The following ADHFE1 variants were observed in gnomAD, a reference collection of about 807,000 sequenced individuals.
ADHFE1 encodes alcohol dehydrogenase iron containing 1.
ADHFE1 carries 37 observed loss-of-function variants against 54.8 expected under a neutral mutation model. The ratio of observed to expected loss-of-function variants is 0.68; its 90% CI spans 0.52 to 0.89. The LOEUF (loss-of-function observed/expected upper bound fraction) is 0.89. ADHFE1 is among the 40% of genes least tolerant of loss of function. The pLI is 0.00. For missense variants in ADHFE1, 601 were observed against 591.2 expected (o/e 1.02, Z -0.17); for synonymous variants, 203 against 229.3 (o/e 0.89, Z 1.04).
chr8:66,462,605 T>G (rs972332122), intron 13 of ADHFE1, among the ~76,000 whole-genome samples: 1 of 152,226 alleles, frequency 6.6e-6, no homozygotes, highest in Non-Finnish European at 1.5e-5. Flanking sequence ...CCAGTGACAC[T>G]GTCCACCCTG....
chr8:66,457,142 C>A lies in ADHFE1; in HGVS notation c.1138C>A (p.His380Asn). The part of the protein sequence containing the change: ...TFTAQMFPER[H>N]LEMAEILGAD... ...CACGGCCCAGATGTTTCCAGAGCGA[C>A]ACCTGGAGATGGCAGAAATACTGGG... Residue 380 changes from histidine to asparagine, a missense_variant, in exon 12 of 14, where the codon CAC becomes AAC. His to Asn is a moderately conservative substitution (Grantham distance 68, BLOSUM62 1). Transcript: ENST00000396623. 2 of 1,613,484 alleles carry A rather than the reference C, an allele frequency of 1.2e-6. No individual in the cohort carries two copies. Among genetic ancestry groups the A allele is most frequent in the Non-Finnish European group, 1.7e-6 (2 of 1,179,648 alleles).
Position 66,444,370 on chromosome 8 carries a change from G to C in ADHFE1, c.148G>C (p.Ala50Pro), listed in dbSNP as rs145104347. Reference protein sequence around the residue: ...GKTTDYAFEMAVSNIRYGAAV... With the variant: ...GKTTDYAFEMPVSNIRYGAAV... ...TAAACCTTTTTATTTTTTTCAGATG[G>C]CTGTTTCAAATATTAGATATGGAGC... Residue 50 changes from alanine (A) to proline (P), a missense_variant, in exon 4 of 14, where the codon GCT becomes CCT. Ala to Pro is a conservative substitution (Grantham distance 27). Transcript: ENST00000396623. The C allele has an allele frequency of 6.2e-7, 1 of 1,613,910 alleles. No homozygotes were observed. The highest frequency in any genetic ancestry group is 8.5e-7 in the Non-Finnish European group (1 of 1,179,918).
intron 13 of ADHFE1, among the ~76,000 whole-genome samples, chr8:66,465,706 T>G (rs1442564507): frequency 3.3e-5 from 5 of 152,010 alleles, no homozygotes. Flanking sequence ...TTCAAGCAGT[T>G]CTCCTGCCTT....
intron 1 of ADHFE1, among the ~76,000 whole-genome samples, chr8:66,437,612 A>C (rs1383665037): frequency 1.3e-5 from 2 of 149,428 alleles, no homozygotes; most frequent in African/African-American, 4.9e-5. Flanking sequence ...GGGGAATGAA[A>C]ATGTCTACAT....
At chr8:66,443,264 A>ATTTTTTGTTTT (rs1805852522) in intron 3 of ADHFE1, among the ~76,000 whole-genome samples, 1 of 86,094 alleles carries the variant, frequency 1.2e-5, no homozygotes, top group Non-Finnish European at 2.4e-5. Context: ...TAGTCCAGGA[A>ATTTTTTGTTTT]TTTTTTTTTT....
In ADHFE1 at chr8:66,468,346, G is replaced by C. The variant is rs774517808; in HGVS notation, c.1398G>C (p.Leu466=). ...CTCTGTTTGAAGCTTCAATGAAACT[G>C]TATTAATTGTCATTTTAACTGAAAG... The part of the protein sequence containing the change: ...LAALFEASMK[L]Y Residue 466 remains leucine, a synonymous_variant, in exon 14 of 14, where the codon CTG becomes CTC. Transcript: ENST00000396623. 1.9e-6 allele frequency: 3 copies of C among 1,611,890 alleles called. No homozygotes were observed. The highest frequency in any genetic ancestry group is 2.5e-6 in the Non-Finnish European group (3 of 1,178,902).
Position 66,432,625 on chromosome 8 carries a change from G to T in ADHFE1, c.59+50G>T, listed in dbSNP as rs538840494. ...CAGGGGACCGCAGGGTGCCCACGCA[G>T]CCCCCTGGGTGTGACCCGCTCAGAT... On this transcript the variant is annotated intron_variant, in intron 1 of 13. Coordinates refer to ENST00000396623, the MANE Select transcript of ADHFE1 (RefSeq NM_144650.3). 112 of 1,281,182 alleles carry T rather than the reference G, an allele frequency of 8.7e-5. No individual in the cohort carries two copies. In the African/African-American group the frequency reaches 1.5e-3, roughly 17 times the overall value. The allele number at this position is 1,281,182 out of a possible 1,614,324, so 79.4% of individuals were successfully genotyped here. A position where few individuals can be genotyped will look rare whatever the true frequency, so the allele number is the denominator to read the frequency against.
At position 66,440,185 on chromosome 8, in the gene ADHFE1, A is replaced by G. The variant is rs1214445188; in HGVS notation, c.83A>G (p.His28Arg). ...AGGTGCCAGTGCCCAACTCATTCTC[A>G]TACTTACTCCCAAGGTAATACTTCT... ...RAACQCPTHSHTYSQAPGLSP... is the reference protein window; with the variant it reads ...RAACQCPTHSRTYSQAPGLSP... The change falls in exon 2 of 14, where the codon CAT (histidine) becomes CGT (arginine). Residue 28 changes from histidine (H) to arginine (R), a missense_variant. Transcript: ENST00000396623. 1 of 1,612,416 alleles carries G rather than the reference A, an allele frequency of 6.2e-7. No individual in the cohort carries two copies. Among genetic ancestry groups the G allele is most frequent in the Non-Finnish European group, 8.5e-7 (1 of 1,179,582 alleles).
chr8:66,445,285 T>G lies in ADHFE1; in HGVS notation c.421T>G (p.Ser141Ala), dbSNP rs771348589. The G allele has an allele frequency of 2.3e-5, 37 of 1,613,650 alleles. No individual in the cohort carries two copies. Among genetic ancestry groups the G allele is most frequent in the Non-Finnish European group, 3.1e-5 (36 of 1,179,956 alleles). The change falls in exon 6 of 14, where the codon TCT becomes GCT. Residue 141 changes from serine to alanine, a missense_variant. By Grantham distance (99) the Ser-to-Ala change is moderately conservative. Coordinates refer to ENST00000396623, the MANE Select transcript of ADHFE1 (RefSeq NM_144650.3). ...FDAYVAVGGGSTMDTCKAANL... is the reference protein window; with the variant it reads ...FDAYVAVGGGATMDTCKAANL... ...TGCCTATGTTGCTGTCGGTGGTGGC[T>G]CTACCATGGACACCTGTAAGGCTGC... is the stretch of plus-strand genomic sequence containing the variant.
At chr8:66,467,146 C>G (rs1270767077) in intron 13 of ADHFE1, among the ~76,000 whole-genome samples, 1 of 152,104 alleles carries the variant, frequency 6.6e-6, no homozygotes, top group Non-Finnish European at 1.5e-5. Context: ...ATAGCAGTGT[C>G]CTGGATTCCG....
At chr8:66,455,520 T>C (rs932628018) in intron 10 of ADHFE1, among the ~76,000 whole-genome samples, 4 of 152,214 alleles carry the variant, frequency 2.6e-5, no homozygotes, top group African/African-American at 7.2e-5. Context: ...GGAGCATAAA[T>C]TGGCAACACC....
intron 12 of ADHFE1, among the ~76,000 whole-genome samples, chr8:66,457,890 G>A (rs1266561666): frequency 6.6e-6 from 1 of 152,184 alleles, no homozygotes; most frequent in East Asian, 1.9e-4. Context: ...GTATCAGGAA[G>A]CAGGAGTAAA....
intron 13 of ADHFE1, among the ~76,000 whole-genome samples, chr8:66,467,946 G>A (rs563478153): frequency 3.3e-5 from 5 of 152,330 alleles, no homozygotes; most frequent in African/African-American, 1.2e-4. Context: ...TGTGTGTACA[G>A]AGAACCTGGC....
chr8:66,444,320 C>A (rs909276368), intron 3 of ADHFE1, 47 bp from the exon 4 acceptor site: 4 of 1,577,972 alleles, frequency 2.5e-6, no homozygotes, highest in African/African-American at 2.7e-5. Flanking sequence ...AATGGACTGG[C>A]CAACTCTCAA....
At position 66,444,631 on chromosome 8, in the gene ADHFE1, T is replaced by A. The variant is rs963530893; in HGVS notation, c.236T>A (p.Met79Lys). ...ATGGGTGCTAAAAATGTGTGCTTGA[T>A]GACAGACAAGAACCTCTCCAAGCTC... is the stretch of plus-strand genomic sequence containing the variant. ...KNMGAKNVCL[M>K]TDKNLSKLPP... The change falls in exon 5 of 14, where the codon ATG (methionine) becomes AAG (lysine). Residue 79 changes from methionine (M) to lysine (K), a missense_variant. Coordinates refer to ENST00000396623, the MANE Select transcript of ADHFE1 (RefSeq NM_144650.3). The A allele has an allele frequency of 6.2e-7, 1 of 1,614,120 alleles. No homozygotes were observed. Among genetic ancestry groups the A allele is most frequent in the Non-Finnish European group, 8.5e-7 (1 of 1,180,052 alleles).
Position 66,439,086 on chromosome 8 carries a change from C to A in ADHFE1, c.60-1076C>A. 2.9e-6 allele frequency: 2 copies of A among 688,576 alleles called. No individual in the cohort carries two copies. The highest frequency in any genetic ancestry group is 3.6e-6 in the Non-Finnish European group (2 of 558,996). The allele number at this position is 688,576 out of a possible 1,614,324, so 42.7% of individuals were successfully genotyped here. ...CTCCCCCGGCGCGCGCGTCGGGAAC[C>A]ACTAGATGGCAGCCGCGACTCGCGC... is the stretch of plus-strand genomic sequence containing the variant. On this transcript the variant is annotated intron_variant, in intron 1 of 13. Transcript: ENST00000396623. This position sits in a 1 kb window ranked among gnomAD's most constrained non-coding sequence, Gnocchi z 4.4.
chr8:66,460,642 G>A (rs1028599725), intron 13 of ADHFE1, among the ~76,000 whole-genome samples, 177 bp downstream of exon 13: 5 of 152,282 alleles, frequency 3.3e-5, no homozygotes, highest in East Asian at 1.9e-4. Context: ...CCAGGCCCTC[G>A]CCTTTCTGTT....
chr8:66,462,979 G>T (rs1341838619), intron 13 of ADHFE1, among the ~76,000 whole-genome samples: 1 of 152,068 alleles, frequency 6.6e-6, no homozygotes, highest in Non-Finnish European at 1.5e-5. Context: ...ACACCACCAT[G>T]CCCAGCTAAT....
intron 13 of ADHFE1, among the ~76,000 whole-genome samples, chr8:66,462,801 A>C (rs1256996173): frequency 6.6e-6 from 1 of 152,062 alleles, no homozygotes; most frequent in Non-Finnish European, 1.5e-5. Context: ...CTGTGGTCAG[A>C]CTGTCACTTT....
Sources: gnomAD v4.1 joint callset for allele counts (sites outside exome capture counted in the v4.1 genomes callset) on GRCh38, gnomAD v4.1.1 for gene constraint, Gnocchi (gnomAD v3.1) non-coding constraint, MANE v1.5 for transcripts, NCBI Gene and HGNC (gene_info 2026-07-23, HGNC 2026-07-21) for gene names.